The following CACNA2D1 variants were observed in gnomAD, a reference collection of about 807,000 sequenced individuals.
The protein encoded by CACNA2D1 is voltage-dependent calcium channel subunit alpha-2/delta-1.
In CACNA2D1, 53 loss-of-function variants were observed where a neutral mutation model predicts 171.5. The observed-to-expected ratio is 0.31, with a 90% CI of 0.25 to 0.39. The LOEUF (loss-of-function observed/expected upper bound fraction) is 0.39. Ranked by LOEUF, CACNA2D1 falls within the 10% of genes least tolerant of loss-of-function variation. The probability of loss-of-function intolerance (pLI) is 1.00; values close to 1 mark genes in which losing one functional copy is unlikely to be tolerated. For missense variants in CACNA2D1, 903 were observed against 1,299.8 expected, an observed-to-expected ratio of 0.69 and a Z score of 4.69; for synonymous variants, 442 against 443.1, an observed-to-expected ratio of 1.00 and a Z score of 0.03.
rs778159159 is a variant in CACNA2D1 at position 81,946,750 on chromosome 7, T to C, written c.*3642A>G. 1 of 151,424 alleles carries C rather than the reference T, an allele frequency of 6.6e-6. No individual in the cohort carries two copies. Among genetic ancestry groups the C allele is most frequent in the Non-Finnish European group, 1.5e-5 (1 of 67,758 alleles). The allele number at this position is 151,424 out of a possible 1,614,324, so 9.4% of individuals were successfully genotyped here. The stretch of plus-strand genomic sequence containing the variant: ...AAGACAGCTTTACTAGGTCACATTA[T>C]AAACTCAACTGGCATCTACACAAGA... On this transcript the variant is annotated 3_prime_UTR_variant, in exon 39 of 39. Coordinates refer to ENST00000356860, the MANE Select transcript of CACNA2D1 (RefSeq NM_000722.4).
chr7:82,397,738 C>T (rs896621528), intron 1 of CACNA2D1, among the ~76,000 whole-genome samples: 1 of 152,162 alleles, frequency 6.6e-6, no homozygotes, highest in African/African-American at 2.4e-5. Flanking sequence ...ACATATGACC[C>T]ATTTAATCAT....
At chr7:82,335,332 C>T in intron 2 of CACNA2D1, 81 bp from the exon 3 acceptor site, 2 of 817,740 alleles carry the variant, frequency 2.4e-6, no homozygotes, top group East Asian at 2.4e-5. Context: ...GTATTTAAAA[C>T]TATAAACAAC....
chr7:82,435,045 T>C (rs1830007057), intron 1 of CACNA2D1, among the ~76,000 whole-genome samples: 1 of 145,520 alleles, frequency 6.9e-6, no homozygotes, highest in African/African-American at 2.5e-5. Flanking sequence ...TTTTTTTTTT[T>C]TTTTTTTTGA....
At chr7:82,405,210 G>A (rs752757149) in intron 1 of CACNA2D1, among the ~76,000 whole-genome samples, 5 of 152,148 alleles carry the variant, frequency 3.3e-5, no homozygotes, top group Non-Finnish European at 5.9e-5. Flanking sequence ...CAATTTACAA[G>A]TGAAGATGTA....
chr7:82,032,145 A>G (rs371168517), intron 12 of CACNA2D1, among the ~76,000 whole-genome samples: 1 of 152,086 alleles, frequency 6.6e-6, no homozygotes, highest in East Asian at 1.9e-4. Flanking sequence ...ATCAGGTTCA[A>G]TGAGGTCCCT....
intron 3 of CACNA2D1, among the ~76,000 whole-genome samples, chr7:82,283,240 G>C (rs1445831081): frequency 6.6e-6 from 1 of 151,924 alleles, no homozygotes; most frequent in African/African-American, 2.4e-5. Context: ...AATTCAACCT[G>C]AGTTTTCTCA....
chr7:82,103,903 A>G (rs1394608989), intron 6 of CACNA2D1, among the ~76,000 whole-genome samples: 2 of 151,866 alleles, frequency 1.3e-5, no homozygotes, highest in East Asian at 3.9e-4. Context: ...TTTATTTAAA[A>G]GATTATAAAC....
chr7:82,041,054 G>C (rs995945234), intron 10 of CACNA2D1, among the ~76,000 whole-genome samples: 27 of 151,978 alleles, frequency 1.8e-4, no homozygotes, highest in Admixed American at 1.3e-3. Context: ...CTTGGGTTGG[G>C]GGGGTGGGGA....
chr7:82,163,867 C>T (rs1450971196), intron 4 of CACNA2D1, among the ~76,000 whole-genome samples: 1 of 151,882 alleles, frequency 6.6e-6, no homozygotes, highest in African/African-American at 2.4e-5. Context: ...CTAGAAATAT[C>T]ATCCTTGGAA....
chr7:82,302,117 A>G (rs2129425952), intron 3 of CACNA2D1, among the ~76,000 whole-genome samples: 1 of 152,300 alleles, frequency 6.6e-6, no homozygotes, highest in East Asian at 1.9e-4. Context: ...ATAATGTTCC[A>G]TGAACCTATA....
chr7:82,169,401 C>CAA lies in CACNA2D1; in HGVS notation c.354+1147_354+1148dup, dbSNP rs575494850. On this transcript the variant is annotated intron_variant, in intron 4 of 38. Coordinates refer to ENST00000356860, the MANE Select transcript of CACNA2D1 (RefSeq NM_000722.4). ...ATGATCAGTTCAGTAGAGAATCAAA[C>CAA]AAACTGGCAGTTGTCAAATAGAGTC... Among the ~76,000 whole-genome samples, 162 of 150,192 alleles carry CAA rather than the reference C, an allele frequency of 1.1e-3. 2 individuals carry two copies. The highest frequency in any genetic ancestry group is 3.9e-3 in the African/African-American group (158 of 40,224).
chr7:82,000,023 G>T (rs951375710), intron 18 of CACNA2D1, among the ~76,000 whole-genome samples: 9 of 152,224 alleles, frequency 5.9e-5, no homozygotes, highest in African/African-American at 2.2e-4. Context: ...CACTTTGGGA[G>T]GCCAAGGCAG....
chr7:82,426,788 C>T (rs1482459756), intron 1 of CACNA2D1, among the ~76,000 whole-genome samples: 1 of 152,144 alleles, frequency 6.6e-6, no homozygotes, highest in Non-Finnish European at 1.5e-5. Flanking sequence ...TCAATGACTT[C>T]ATTATATACT....
At chr7:82,204,048 C>T (rs1799762896) in intron 3 of CACNA2D1, among the ~76,000 whole-genome samples, 1 of 152,206 alleles carries the variant, frequency 6.6e-6, no homozygotes, top group African/African-American at 2.4e-5. Context: ...CACCCCTAGA[C>T]CTCAAGCCTT....
intron 10 of CACNA2D1, among the ~76,000 whole-genome samples, chr7:82,059,572 T>C (rs1237994246): frequency 6.6e-6 from 1 of 152,140 alleles, no homozygotes; most frequent in African/African-American, 2.4e-5. Context: ...CTCATATTAC[T>C]TATTTAAGCT....
chr7:82,006,227 A>G (rs37126), intron 16 of CACNA2D1, among the ~76,000 whole-genome samples: 3,295 of 152,160 alleles, frequency 0.022, 122 homozygotes, highest in African/African-American at 0.074. Flanking sequence ...AGAAACCACA[A>G]GAATGTCCAG....
chr7:82,006,476 A>T (rs1799130424), intron 16 of CACNA2D1, among the ~76,000 whole-genome samples: 1 of 152,106 alleles, frequency 6.6e-6, no homozygotes, highest in Admixed American at 6.6e-5. Flanking sequence ...TAAAGATGGA[A>T]ATTGTTTTAA....
At chr7:82,221,350 A>C (rs1364452934) in intron 3 of CACNA2D1, among the ~76,000 whole-genome samples, 1 of 152,210 alleles carries the variant, frequency 6.6e-6, no homozygotes, top group Non-Finnish European at 1.5e-5. Context: ...ATATCAAAAA[A>C]ATATGATGAC....
intron 3 of CACNA2D1, among the ~76,000 whole-genome samples, chr7:82,308,373 A>G (rs914951370): frequency 8.5e-5 from 13 of 152,358 alleles, no homozygotes; most frequent in Non-Finnish European, 4.4e-5. Flanking sequence ...ATATGCCTTC[A>G]AAACACAGCG....
Sources: gnomAD v4.1 joint callset for allele counts (sites outside exome capture counted in the v4.1 genomes callset) on GRCh38, gnomAD v4.1.1 for gene constraint, MANE v1.5 for transcripts, NCBI Gene and HGNC (gene_info 2026-07-23, HGNC 2026-07-21) for gene names.